AURKC: variants seen among roughly 807,000 people sequenced by gnomAD.
AURKC encodes ARK-3.
In AURKC, 15 loss-of-function variants were observed where a neutral mutation model predicts 29.2. The observed-to-expected ratio is 0.51, with a 90% CI of 0.34 to 0.79. The LOEUF (loss-of-function observed/expected upper bound fraction) is 0.79. Among genes scored for constraint, AURKC ranks in the 30% least tolerant of loss-of-function variants. The pLI is 0.01. For missense variants in AURKC, 332 were observed against 383.2 expected, an observed-to-expected ratio of 0.87 and a Z score of 1.12; for synonymous variants, 150 against 149.9, an observed-to-expected ratio of 1.00 and a Z score of -0.01.
In AURKC at chr19:57,233,399, C is replaced by T. The variant is rs565775151; in HGVS notation, c.436-61C>T. ...ATCATACAATTCATGGTAAGTGTTC[C>T]ACCTCAGACGGAAATTGTGGCAGGC... is the stretch of plus-strand genomic sequence containing the variant. On this transcript the variant is annotated intron_variant, in intron 4 of 6. Coordinates refer to ENST00000302804, the MANE Select transcript of AURKC (RefSeq NM_001015878.2). 10 of 1,611,196 alleles carry T rather than the reference C, an allele frequency of 6.2e-6. No individual in the cohort carries two copies. The South Asian group carries it at 9.9e-5, about 16-fold the overall frequency.
chr19:57,232,445 C>T lies in AURKC; in HGVS notation c.297-97C>T. 4 of 1,579,158 alleles carry T rather than the reference C, an allele frequency of 2.5e-6. No individual in the cohort carries two copies. Among genetic ancestry groups the T allele is most frequent in the Non-Finnish European group, 3.5e-6 (4 of 1,152,872 alleles). ...AGATAGGGCTGTTGTTATTCTGGTC[C>T]CAGCATAATTTGCCACTTGTGTGAC... On this transcript the variant is annotated intron_variant, in intron 3 of 6. Transcript: ENST00000302804. This position sits in a 1 kb window ranked among gnomAD's most constrained non-coding sequence, Gnocchi z 4.5.
rs914555532 is a variant in AURKC at position 57,231,113 on chromosome 19, C to G, written c.-136C>G. The stretch of plus-strand genomic sequence containing the variant: ...CGAAGCCTGTGTAGCAGTGAGACAT[C>G]AGTGAGGCTGCAGGACGAGCAGGAT... On this transcript the variant is annotated 5_prime_UTR_variant, in exon 1 of 7. In the 5' UTR this introduces an upstream ATG that the reference lacks. Transcript: ENST00000302804. The G allele has an allele frequency of 2.6e-6, 4 of 1,522,018 alleles. No individual in the cohort carries two copies. In the African/African-American group the frequency reaches 4.3e-5, roughly 16 times the overall value. The allele number at this position is 1,522,018 out of a possible 1,614,324, so 94.3% of individuals were successfully genotyped here.
rs1052325167 is a variant in AURKC at position 57,231,229 on chromosome 19, C to T, written c.-20C>T. 10 of 1,551,634 alleles carry T rather than the reference C, an allele frequency of 6.4e-6. No homozygotes were observed. The highest frequency in any genetic ancestry group is 4.1e-5 in the African/African-American group (3 of 73,024). ...TCCAGAGGGTTCAGGAAGGCGTCCG[C>T]GCCCTCACCTCTTCTCCCCATGAGC... On this transcript the variant is annotated 5_prime_UTR_variant, in exon 1 of 7. Transcript: ENST00000302804.
Position 57,231,080 on chromosome 19 carries a change from G to C in AURKC, c.-169G>C. 2 of 1,486,928 alleles carry C rather than the reference G, an allele frequency of 1.3e-6. No homozygotes were observed. The highest frequency in any genetic ancestry group is 1.8e-6 in the Non-Finnish European group (2 of 1,087,254). The allele number at this position is 1,486,928 out of a possible 1,614,324, so 92.1% of individuals were successfully genotyped here. ...CGCAGCCACGGCTGCTCACGACGCC[G>C]CGGATCCCGAAGCCTGTGTAGCAGT... On this transcript the variant is annotated 5_prime_UTR_variant, in exon 1 of 7. Coordinates refer to ENST00000302804, the MANE Select transcript of AURKC (RefSeq NM_001015878.2).
chr19:57,233,454 C>G lies in AURKC; in HGVS notation c.436-6C>G. 1 of 1,614,084 alleles carries G rather than the reference C, an allele frequency of 6.2e-7. No individual in the cohort carries two copies. Among genetic ancestry groups the G allele is most frequent in the Middle Eastern group, 1.7e-4 (1 of 6,060 alleles). On this transcript the variant is annotated splice_polypyrimidine_tract_variant and splice_region_variant and intron_variant, in intron 4 of 6. Transcript: ENST00000302804. ...CTTCCAGGGTGACTTTTCTTTGCAC[C>G]CACAGATAATAGAGGAGTTGGCAGA...
At position 57,235,483 on chromosome 19, in the gene AURKC, G is replaced by A; in HGVS notation, c.*66G>A. 1 of 1,587,646 alleles carries A rather than the reference G, an allele frequency of 6.3e-7. No homozygotes were observed. Among genetic ancestry groups the A allele is most frequent in the Admixed American group, 1.7e-5 (1 of 59,958 alleles). On this transcript the variant is annotated 3_prime_UTR_variant, in exon 7 of 7. Coordinates refer to ENST00000302804, the MANE Select transcript of AURKC (RefSeq NM_001015878.2). ...CTCTCCTGGCTCTGCCACCTCATTT[G>A]TCTTTATTTTTTTCTCTTTTAAGAT...
Position 57,235,373 on chromosome 19 carries a change from C to T in AURKC, c.886C>T (p.His296Tyr), listed in dbSNP as rs1183811631. Residue 296 changes from histidine to tyrosine, a missense_variant, in exon 7 of 7, where the codon CAC becomes TAC. By Grantham distance (83) the His-to-Tyr change is moderately conservative. Coordinates refer to ENST00000302804, the MANE Select transcript of AURKC (RefSeq NM_001015878.2). ...CCTGAAGCACCCCTGGGTTCAGGCC[C>T]ACTCCCGAAGGGTGCTGCCTCCCTG... ...QILKHPWVQA[H>Y]SRRVLPPCAQ... is the part of the protein sequence containing the mutation. 3 of 1,614,010 alleles carry T rather than the reference C, an allele frequency of 1.9e-6. No homozygotes were observed. The highest frequency in any genetic ancestry group is 2.5e-6 in the Non-Finnish European group (3 of 1,180,034).
chr19:57,233,975 G>A (rs772880743), intron 5 of AURKC, among the ~76,000 whole-genome samples: 11 of 150,656 alleles, frequency 7.3e-5, no homozygotes, highest in East Asian at 1.9e-4. Context: ...CAGGTGATCC[G>A]CCCACCTTGG....
chr19:57,231,056 G>C lies in AURKC; in HGVS notation c.-193G>C, dbSNP rs1419708154. ...GGTGCCGGGTATAAAAGAAGGCCGC[G>C]CAGCCACGGCTGCTCACGACGCCGC... On this transcript the variant is annotated 5_prime_UTR_variant, in exon 1 of 7. Coordinates refer to ENST00000302804, the MANE Select transcript of AURKC (RefSeq NM_001015878.2). The C allele has an allele frequency of 1.5e-6, 2 of 1,354,024 alleles. No homozygotes were observed. The highest frequency in any genetic ancestry group is 1.4e-5 in the African/African-American group (1 of 70,528). The allele number at this position is 1,354,024 out of a possible 1,614,324, so 83.9% of individuals were successfully genotyped here. A position where few individuals can be genotyped will look rare whatever the true frequency, so the allele number is the denominator to read the frequency against.
Position 57,231,806 on chromosome 19 carries a change from G to C in AURKC, c.104+19G>C, listed in dbSNP as rs760756565. ...CAGCCATGTGAGTCCCTTGGGATTG[G>C]TATCTGGAAAAGGAAGGAAGGTGGG... On this transcript the variant is annotated intron_variant, in intron 2 of 6. Coordinates refer to ENST00000302804, the MANE Select transcript of AURKC (RefSeq NM_001015878.2). 2 of 1,614,062 alleles carry C rather than the reference G, an allele frequency of 1.2e-6. No individual in the cohort carries two copies. Among genetic ancestry groups the C allele is most frequent in the Non-Finnish European group, 1.7e-6 (2 of 1,180,028 alleles).
chr19:57,234,956 G>A lies in AURKC; in HGVS notation c.657G>A (p.Lys219=). 1.2e-6 allele frequency: 2 copies of A among 1,614,178 alleles called. No individual in the cohort carries two copies. Among genetic ancestry groups the A allele is most frequent in the East Asian group, 2.2e-5 (1 of 44,882 alleles). ...TTGAGGGGAGAACATATGATGAAAA[G>A]GTGGATTTGTGGTGCATTGGAGTGC... ...EMIEGRTYDE[K]VDLWCIGVLC... is the part of the protein sequence containing the mutation. Residue 219 remains lysine, a synonymous_variant, in exon 6 of 7, where the codon AAG becomes AAA. Coordinates refer to ENST00000302804, the MANE Select transcript of AURKC (RefSeq NM_001015878.2).
In AURKC at chr19:57,231,034, G is replaced by A. The variant is rs2087480143; in HGVS notation, c.-215G>A. The A allele has an allele frequency of 8.8e-7, 1 of 1,139,352 alleles. No individual in the cohort carries two copies. The highest frequency in any genetic ancestry group is 1.3e-6 in the Non-Finnish European group (1 of 771,322). 70.6% of individuals were successfully genotyped at this position (1,139,352 alleles called of 1,614,324 possible). On this transcript the variant is annotated 5_prime_UTR_variant, in exon 1 of 7. Transcript: ENST00000302804. ...GGAAGTACCTCTCTGAGCGGTTGGTGCCGGGTATAAAAGAAGGCCGCGCAG... is the reference window on the plus strand; with the variant it reads ...GGAAGTACCTCTCTGAGCGGTTGGTACCGGGTATAAAAGAAGGCCGCGCAG...
chr19:57,233,393 G>A (rs2087513199), intron 4 of AURKC, 67 bp from the exon 5 acceptor site: 2 of 1,606,928 alleles, frequency 1.2e-6, no homozygotes, highest in East Asian at 4.5e-5. Context: ...TTCATGGTAA[G>A]TGTTCCACCT....
chr19:57,233,488 C>T lies in AURKC; in HGVS notation c.464C>T (p.Thr155Ile). 1 of 1,614,180 alleles carries T rather than the reference C, an allele frequency of 6.2e-7. No individual in the cohort carries two copies. Among genetic ancestry groups the T allele is most frequent in the Non-Finnish European group, 8.5e-7 (1 of 1,180,038 alleles). ...TIIEELADAL[T>I]YCHDKKVIHR... ...ATAGAGGAGTTGGCAGATGCCCTGA[C>T]CTACTGCCATGACAAGAAAGTGATT... is the stretch of plus-strand genomic sequence containing the variant. Residue 155 changes from threonine to isoleucine, a missense_variant, in exon 5 of 7, where the codon ACC becomes ATC. Transcript: ENST00000302804.
rs928117656 is a variant in AURKC, at chr19:57,231,074, G to T, written c.-175G>T. On this transcript the variant is annotated 5_prime_UTR_variant, in exon 1 of 7. Coordinates refer to ENST00000302804, the MANE Select transcript of AURKC (RefSeq NM_001015878.2). Reference sequence around the variant, plus strand: ...AGGCCGCGCAGCCACGGCTGCTCACGACGCCGCGGATCCCGAAGCCTGTGT... The same window carrying T: ...AGGCCGCGCAGCCACGGCTGCTCACTACGCCGCGGATCCCGAAGCCTGTGT... The T allele has an allele frequency of 4.1e-6, 6 of 1,465,894 alleles. No homozygotes were observed. The East Asian group carries it at 7.4e-5, about 18-fold the overall frequency. 90.8% of individuals were successfully genotyped at this position (1,465,894 alleles called of 1,614,324 possible). A position where few individuals can be genotyped will look rare whatever the true frequency, so the allele number is the denominator to read the frequency against.
chr19:57,231,658 T>C (rs2087491709), intron 1 of AURKC, 84 bp from the exon 2 acceptor site: 8 of 1,466,290 alleles, frequency 5.5e-6, no homozygotes, highest in Non-Finnish European at 7.5e-6. Flanking sequence ...TTCCCTTCTC[T>C]ACTGTTCTCC....
In AURKC at chr19:57,231,770, G is replaced by C. The variant is rs1287521082; in HGVS notation, c.87G>C (p.Gln29His). ...CTACAGCAAACCAAACAGCCCAGCA[G>C]CCCAGCAGCCCAGCCATGTGAGTCC... is the stretch of plus-strand genomic sequence containing the variant. ...ELATANQTAQ[Q>H]PSSPAMRRLT... Residue 29 changes from glutamine (Q) to histidine (H), a missense_variant, in exon 2 of 7, where the codon CAG becomes CAC. Coordinates refer to ENST00000302804, the MANE Select transcript of AURKC (RefSeq NM_001015878.2). The C allele has an allele frequency of 1.9e-6, 3 of 1,613,826 alleles. No individual in the cohort carries two copies. The highest frequency in any genetic ancestry group is 3.3e-5 in the Admixed American group (2 of 59,974).
At position 57,232,504 on chromosome 19, in the gene AURKC, CAGGG is replaced by C. The variant is rs765979241; in HGVS notation, c.297-35_297-32del. 2 of 1,613,848 alleles carry C rather than the reference CAGGG, an allele frequency of 1.2e-6. No homozygotes were observed. Among genetic ancestry groups the C allele is most frequent in the African/African-American group, 2.7e-5 (2 of 74,930 alleles). ...GACGGTGGCATCATATGATAGGCCT[CAGGG>C]AGAAATCTGACTCTTCCAACATTAA... On this transcript the variant is annotated intron_variant, in intron 3 of 6. Transcript: ENST00000302804. This position sits in a 1 kb window ranked among gnomAD's most constrained non-coding sequence, Gnocchi z 4.5.
At position 57,232,280 on chromosome 19, in the gene AURKC, C is replaced by G; in HGVS notation, c.296+56C>G. The G allele has an allele frequency of 6.3e-7, 1 of 1,597,122 alleles. No individual in the cohort carries two copies. Among genetic ancestry groups the G allele is most frequent in the Admixed American group, 1.7e-5 (1 of 59,140 alleles). On this transcript the variant is annotated intron_variant, in intron 3 of 6. Coordinates refer to ENST00000302804, the MANE Select transcript of AURKC (RefSeq NM_001015878.2). The surrounding 1 kb of genome is among the most constrained non-coding windows in gnomAD (Gnocchi z 4.5). ...TTTGACGTCTGAGCCCAGCATTTTCCCCAAATACTAACCCCAAGTAAACCC... is the reference window on the plus strand; with the variant it reads ...TTTGACGTCTGAGCCCAGCATTTTCGCCAAATACTAACCCCAAGTAAACCC...
Sources: gnomAD v4.1 joint callset for allele counts (sites outside exome capture counted in the v4.1 genomes callset) on GRCh38, gnomAD v4.1.1 for gene constraint, Gnocchi (gnomAD v3.1) non-coding constraint, MANE v1.5 for transcripts, NCBI Gene and HGNC (gene_info 2026-07-23, HGNC 2026-07-21) for gene names.